The following CDYL2 variants were observed in gnomAD, a reference collection of about 807,000 sequenced individuals.
CDYL2 encodes chromodomain Y-like protein 2.
In CDYL2, 23 loss-of-function variants were observed where a neutral mutation model predicts 49.4. The ratio of observed to expected loss-of-function variants is 0.47; its 90% CI spans 0.34 to 0.66. The LOEUF (loss-of-function observed/expected upper bound fraction) is 0.66. Among genes scored for constraint, CDYL2 ranks in the 30% least tolerant of loss-of-function variants. The probability of loss-of-function intolerance (pLI) is 0.01; values close to 1 mark genes in which losing one functional copy is unlikely to be tolerated. For missense variants in CDYL2, 678 were observed against 656.4 expected (o/e 1.03, Z -0.36); for synonymous variants, 360 against 268.8 (o/e 1.34, Z -3.32).
At chr16:80,766,136 G>C (rs955276439) in intron 1 of CDYL2, among the ~76,000 whole-genome samples, 1 of 151,878 alleles carries the variant, frequency 6.6e-6, no homozygotes, top group Non-Finnish European at 1.5e-5. Context: ...TTTTTTGAAG[G>C]AGAAGGGGAA....
chr16:80,795,560 G>A (rs931970798), intron 1 of CDYL2, among the ~76,000 whole-genome samples: 2 of 152,162 alleles, frequency 1.3e-5, no homozygotes, highest in African/African-American at 2.4e-5. Flanking sequence ...ACAATGAACT[G>A]AGGGAAGGGA....
intron 3 of CDYL2, among the ~76,000 whole-genome samples, chr16:80,623,090 T>C (rs1409884582): frequency 6.6e-6 from 1 of 152,232 alleles, no homozygotes; most frequent in African/African-American, 2.4e-5. Context: ...AAGCTCTGTC[T>C]GCCCCAAGCA....
At chr16:80,632,071 T>C (rs529151544) in intron 3 of CDYL2, among the ~76,000 whole-genome samples, 1 of 152,298 alleles carries the variant, frequency 6.6e-6, no homozygotes, top group South Asian at 2.1e-4. Context: ...ATTAGAAATA[T>C]ATCCAAGAAA....
chr16:80,746,167 G>A (rs776957911), intron 1 of CDYL2, among the ~76,000 whole-genome samples: 36 of 152,102 alleles, frequency 2.4e-4, no homozygotes, highest in Non-Finnish European at 4.0e-4. Context: ...CTGTACCTGC[G>A]TGAAAATAAG....
rs1290671597 is a variant in CDYL2 at position 80,759,084 on chromosome 16, A to G, written c.24+45066T>C. On this transcript the variant is annotated intron_variant, in intron 1 of 6. Coordinates refer to ENST00000570137, the MANE Select transcript of CDYL2 (RefSeq NM_152342.4). Reference sequence around the variant, plus strand: ...ATGTACATACCTGGGTATAAATGTAATATCTACAAACCATATACTATATAT... The same window carrying G: ...ATGTACATACCTGGGTATAAATGTAGTATCTACAAACCATATACTATATAT... 2.2e-5 allele frequency among the ~76,000 whole-genome samples: 3 copies of G among 135,134 alleles called. No homozygotes were observed. The East Asian group carries it at 6.7e-4, about 30-fold the overall frequency. 88.7% of individuals were successfully genotyped at this position (135,134 alleles called of 152,430 possible).
intron 1 of CDYL2, among the ~76,000 whole-genome samples, chr16:80,789,281 C>T: frequency 6.6e-6 from 1 of 152,056 alleles, no homozygotes; most frequent in Non-Finnish European, 1.5e-5. Context: ...GGTATCTACC[C>T]AAAGGAAAAG....
intron 2 of CDYL2, among the ~76,000 whole-genome samples, chr16:80,679,178 G>T (rs886178219): frequency 1.3e-5 from 2 of 150,980 alleles, no homozygotes; most frequent in African/African-American, 4.9e-5. Flanking sequence ...CGAGTTAGTG[G>T]GTGCATTGTG....
chr16:80,676,375 C>T (rs767465292), intron 2 of CDYL2, among the ~76,000 whole-genome samples: 3 of 152,120 alleles, frequency 2.0e-5, no homozygotes, highest in Non-Finnish European at 4.4e-5. Context: ...AACAGCTGGG[C>T]TCAGGGAAGT....
chr16:80,647,305 T>C (rs998251991), intron 2 of CDYL2, among the ~76,000 whole-genome samples: 1 of 152,156 alleles, frequency 6.6e-6, no homozygotes, highest in Admixed American at 6.5e-5. Context: ...ACAGATTCAA[T>C]GTAATCCCTC....
chr16:80,659,422 T>C (rs148539054), intron 2 of CDYL2, among the ~76,000 whole-genome samples: 98 of 152,238 alleles, frequency 6.4e-4, no homozygotes, highest in African/African-American at 2.3e-3. Context: ...TGGGCTAAAA[T>C]AAAAGTATTG....
chr16:80,757,534 G>A (rs1906352444), intron 1 of CDYL2, among the ~76,000 whole-genome samples: 2 of 119,846 alleles, frequency 1.7e-5, no homozygotes, highest in South Asian at 4.8e-4. Flanking sequence ...GCAAGACTCT[G>A]TCTCAAAAAA....
rs74028318 is a variant in CDYL2, at chr16:80,603,043, G to A, written c.*1345C>T. The A allele has an allele frequency of 0.18, 26,661 of 152,020 alleles. 2,442 individuals are homozygous for A. The highest frequency in any genetic ancestry group is 0.29 in the East Asian group (1,473 of 5,158). 9.4% of individuals were successfully genotyped at this position (152,020 alleles called of 1,614,324 possible). On this transcript the variant is annotated 3_prime_UTR_variant, in exon 7 of 7. Coordinates refer to ENST00000570137, the MANE Select transcript of CDYL2 (RefSeq NM_152342.4). ...TGCAGCCCAGGGGCACAGGGGCAAG[G>A]AGATCTCATTCCTGGTCATTGCTCC...
chr16:80,614,958 A>G (rs923265754), intron 4 of CDYL2, among the ~76,000 whole-genome samples: 1 of 151,838 alleles, frequency 6.6e-6, no homozygotes, highest in African/African-American at 2.4e-5. Flanking sequence ...AAAGTTGTGG[A>G]TATCATAATG....
intron 1 of CDYL2, among the ~76,000 whole-genome samples, chr16:80,750,973 T>G (rs2142563002): frequency 6.6e-6 from 1 of 151,966 alleles, no homozygotes; most frequent in Admixed American, 6.5e-5. Flanking sequence ...TGAGCCAAGA[T>G]CGCACCACTG....
At chr16:80,642,102 A>G (rs1304109345) in intron 2 of CDYL2, among the ~76,000 whole-genome samples, 1 of 152,180 alleles carries the variant, frequency 6.6e-6, no homozygotes, top group Non-Finnish European at 1.5e-5. Flanking sequence ...ATAAGATATA[A>G]ATAGAAACAG....
At chr16:80,721,435 AG>A (rs1904994908) in intron 1 of CDYL2, among the ~76,000 whole-genome samples, 1 of 152,196 alleles carries the variant, frequency 6.6e-6, no homozygotes, top group African/African-American at 2.4e-5. Flanking sequence ...AGGTTTGGGC[AG>A]CAAAATAGTA....
intron 2 of CDYL2, among the ~76,000 whole-genome samples, chr16:80,676,765 C>A (rs180788388): frequency 3.9e-4 from 59 of 152,250 alleles, no homozygotes; most frequent in African/African-American, 1.3e-3. Context: ...GTCATACTGA[C>A]CTCGTCACAG....
At chr16:80,761,804 G>C (rs1446938597) in intron 1 of CDYL2, among the ~76,000 whole-genome samples, 2 of 151,268 alleles carry the variant, frequency 1.3e-5, no homozygotes, top group Non-Finnish European at 2.9e-5. Flanking sequence ...AAACTACTTT[G>C]GATATTTGAA....
At chr16:80,795,193 A>G (rs1597137445) in intron 1 of CDYL2, among the ~76,000 whole-genome samples, 1 of 152,176 alleles carries the variant, frequency 6.6e-6, no homozygotes. Context: ...GCCTCTCAAT[A>G]GAGGAATCTG....
Sources: allele counts gnomAD v4.1 joint callset (sites outside exome capture counted in the v4.1 genomes callset), GRCh38; gene constraint gnomAD v4.1.1; transcripts MANE v1.5; gene names NCBI Gene and HGNC (gene_info 2026-07-23, HGNC 2026-07-21).